Variants in FSTL1 observed in about 807,000 individuals in gnomAD.
The protein encoded by FSTL1 is follistatin-related protein 1.
In FSTL1, 24 loss-of-function variants were observed where a neutral mutation model predicts 45.9. The observed-to-expected ratio is 0.52, with a 90% CI of 0.38 to 0.74. The LOEUF (loss-of-function observed/expected upper bound fraction) is 0.74. Among genes scored for constraint, FSTL1 ranks in the 30% least tolerant of loss-of-function variants. The pLI is 0.00. For missense variants in FSTL1, 340 were observed against 381.8 expected (o/e 0.89, Z 0.91); for synonymous variants, 120 against 137.6 (o/e 0.87, Z 0.89).
At chr3:120,412,836 G>GCACACACACACA (rs1489987751) in intron 3 of FSTL1, among the ~76,000 whole-genome samples, 4 of 72,788 alleles carry the variant, frequency 5.5e-5, no homozygotes, top group African/African-American at 1.8e-4. Context: ...GCGCGCGCGC[G>GCACACACACACA]CGCACACACA....
At chr3:120,399,608 T>A (rs1936777140) in intron 10 of FSTL1, among the ~76,000 whole-genome samples, 1 of 152,110 alleles carries the variant, frequency 6.6e-6, no homozygotes, top group South Asian at 2.1e-4. Flanking sequence ...CACTTCCACC[T>A]CATTTGCAAA....
intron 2 of FSTL1, among the ~76,000 whole-genome samples, chr3:120,436,897 A>T (rs1937571253): frequency 6.6e-6 from 1 of 152,182 alleles, no homozygotes; most frequent in Non-Finnish European, 1.5e-5. Context: ...ATCTGCCTCC[A>T]TCCCAAAGCA....
rs3066260 is a variant in FSTL1, at chr3:120,403,940, A to AAACC, written c.582-587_582-586insGGTT. Reference sequence around the variant, plus strand: ...CGTCTCAAAAAAAAAAAAAAAAAAAAAAAACAAAAACAAAACAAAACAAAA... The same window carrying AAACC: ...CGTCTCAAAAAAAAAAAAAAAAAAAAAACCAAAACAAAAACAAAACAAAACAAAA... On this transcript the variant is annotated intron_variant, in intron 7 of 10. Transcript: ENST00000295633. Among the ~76,000 whole-genome samples, 178 of 85,658 alleles carry AAACC rather than the reference A, an allele frequency of 2.1e-3. 1 individual carries two copies. In the South Asian group the frequency reaches 0.024, roughly 12 times the overall value. 56.2% of individuals were successfully genotyped at this position (85,658 alleles called of 152,430 possible). A position where few individuals can be genotyped will look rare whatever the true frequency, so the allele number is the denominator to read the frequency against.
At chr3:120,419,191 G>T (rs1460562972) in intron 2 of FSTL1, 1 of 152,386 alleles carries the variant, frequency 6.6e-6, no homozygotes, top group African/African-American at 2.4e-5. Context: ...AAGTGGTGCA[G>T]GAGGTGGAAG....
chr3:120,420,662 T>C (rs1937260945), intron 2 of FSTL1, among the ~76,000 whole-genome samples: 1 of 152,236 alleles, frequency 6.6e-6, no homozygotes, highest in Non-Finnish European at 1.5e-5. Flanking sequence ...GCAATATTCA[T>C]ACTTGCACAG....
rs554659894 is a variant in FSTL1 at position 120,437,764 on chromosome 3, G to A, written c.63+12920C>T. 4.6e-5 allele frequency among the ~76,000 whole-genome samples: 7 copies of A among 152,302 alleles called. No individual in the cohort carries two copies. The South Asian group carries it at 6.2e-4, about 14-fold the overall frequency. On this transcript the variant is annotated intron_variant, in intron 2 of 10. Coordinates refer to ENST00000295633, the MANE Select transcript of FSTL1 (RefSeq NM_007085.5). ...GCTCCCCAGTCAGGATCAATAGCAC[G>A]ATTTAGCACATTGGGATTTTCTAGT...
chr3:120,399,763 G>A (rs1310469382), intron 10 of FSTL1, 120 bp downstream of exon 10: 2 of 661,928 alleles, frequency 3.0e-6, no homozygotes, highest in African/African-American at 3.6e-5. Flanking sequence ...TATCACTCAA[G>A]ATGTACTGTA....
In FSTL1 at chr3:120,393,626, T is replaced by C. The variant is rs1407727084; in HGVS notation, c.*3326A>G. The C allele has an allele frequency of 1.3e-5, 2 of 152,196 alleles. No homozygotes were observed. Among genetic ancestry groups the C allele is most frequent in the Admixed American group, 6.5e-5 (1 of 15,278 alleles). 9.4% of individuals were successfully genotyped at this position (152,196 alleles called of 1,614,324 possible). On this transcript the variant is annotated 3_prime_UTR_variant, in exon 11 of 11. Transcript: ENST00000295633. ...ATGCCATTTAGTCTCCTAAATCATA[T>C]GGGGGATTTACGAGTCATTTAATTT...
At chr3:120,443,379 T>A (rs947818329) in intron 2 of FSTL1, among the ~76,000 whole-genome samples, 1 of 149,802 alleles carries the variant, frequency 6.7e-6, no homozygotes, top group Non-Finnish European at 1.5e-5. Context: ...TAAGGCTTTT[T>A]AGTCCCACAC....
chr3:120,450,408 C>T (rs113412019), intron 2 of FSTL1, among the ~76,000 whole-genome samples: 10 of 152,284 alleles, frequency 6.6e-5, no homozygotes, highest in African/African-American at 1.9e-4. Flanking sequence ...CCGCCTCGTC[C>T]CCGTCGGCCC....
In FSTL1 at chr3:120,415,989, C is replaced by G. The variant is rs1043586039; in HGVS notation, c.102G>C (p.Val34=). 43 of 1,613,896 alleles carry G rather than the reference C, an allele frequency of 2.7e-5. No individual in the cohort carries two copies. The highest frequency in any genetic ancestry group is 3.5e-5 in the Non-Finnish European group (41 of 1,179,868). ...CACATTCCCGGCCGGCTCCACAAAA[C>G]ACATTGGCACAGATCTTGGATTTGC... ...LRSKSKICAN[V]FCGAGRECAV... The change falls in exon 3 of 11, where the codon GTG becomes GTC. Residue 34 remains valine, a synonymous_variant. Coordinates refer to ENST00000295633, the MANE Select transcript of FSTL1 (RefSeq NM_007085.5).
intron 2 of FSTL1, chr3:120,419,143 G>T (rs1937236579): frequency 6.6e-6 from 1 of 152,258 alleles, no homozygotes; most frequent in Non-Finnish European, 1.5e-5. Flanking sequence ...CGCAGTGTTG[G>T]CTCCTGCAGC....
chr3:120,400,092 T>C, intron 9 of FSTL1, 133 bp from the exon 10 acceptor site: 1 of 681,494 alleles, frequency 1.5e-6, no homozygotes, highest in Middle Eastern at 2.5e-4. Context: ...ACCCACATTT[T>C]CTGAGTATGA....
intron 3 of FSTL1, among the ~76,000 whole-genome samples, chr3:120,415,485 C>A (rs536044789): frequency 6.6e-6 from 1 of 152,168 alleles, no homozygotes; most frequent in Non-Finnish European, 1.5e-5. Context: ...ATATCATGAT[C>A]CCATTTTTGC....
chr3:120,403,934 A>AAAC (rs1936884666), intron 7 of FSTL1, among the ~76,000 whole-genome samples: 2 of 129,526 alleles, frequency 1.5e-5, no homozygotes, highest in African/African-American at 2.9e-5. Context: ...AAAAAAAAAA[A>AAAC]AAAAAAAAAA....
At chr3:120,414,295 G>A (rs1436039567) in intron 3 of FSTL1, among the ~76,000 whole-genome samples, 4 of 152,010 alleles carry the variant, frequency 2.6e-5, no homozygotes, top group Admixed American at 2.6e-4. Context: ...TGGAACGTGA[G>A]AAGCGTCTCT....
intron 2 of FSTL1, among the ~76,000 whole-genome samples, chr3:120,446,208 C>A (rs1270637808): frequency 6.6e-6 from 1 of 152,218 alleles, no homozygotes; most frequent in Non-Finnish European, 1.5e-5. Context: ...CCTTTACTTC[C>A]TATTCTTGTG....
rs1936609773 is a variant in FSTL1, at chr3:120,392,314, A to G, written c.*4638T>C. 6.6e-6 allele frequency: 1 copy of G among 152,238 alleles called. No homozygotes were observed. Among genetic ancestry groups the G allele is most frequent in the African/African-American group, 2.4e-5 (1 of 41,468 alleles). The allele number at this position is 152,238 out of a possible 1,614,324, so 9.4% of individuals were successfully genotyped here. On this transcript the variant is annotated 3_prime_UTR_variant, in exon 11 of 11. Transcript: ENST00000295633. ...CCAATTATTCATGAGATGATATTTA[A>G]TCTTACAAAAGGAATAATGAATATA...
At chr3:120,436,577 C>T (rs922037800) in intron 2 of FSTL1, among the ~76,000 whole-genome samples, 4 of 152,158 alleles carry the variant, frequency 2.6e-5, no homozygotes, top group African/African-American at 9.7e-5. Flanking sequence ...AATAGCTAAA[C>T]CAGAAAATCT....
Sources: allele counts gnomAD v4.1 joint callset (sites outside exome capture counted in the v4.1 genomes callset), GRCh38; gene constraint gnomAD v4.1.1; transcripts MANE v1.5; gene names NCBI Gene and HGNC (gene_info 2026-07-23, HGNC 2026-07-21).